The following NMNAT2 variants were observed in gnomAD, a reference collection of about 807,000 sequenced individuals.
NMNAT2 encodes nicotinamide nucleotide adenylyltransferase 2.
Under a neutral mutation model 41.6 loss-of-function variants are expected in NMNAT2, and 11 were observed. The observed-to-expected ratio is 0.26, with a 90% CI of 0.17 to 0.44. The LOEUF is 0.44. Among genes scored for constraint, NMNAT2 ranks in the 20% least tolerant of loss-of-function variants. The probability of loss-of-function intolerance (pLI) is 1.00; values close to 1 mark genes in which losing one functional copy is unlikely to be tolerated. For synonymous variants in NMNAT2, 148 were observed against 151.2 expected (o/e 0.98, Z 0.16); for missense variants, 288 against 407.7 (o/e 0.71, Z 2.53).
At chr1:183,389,788 GAAA>G (rs1557897552) in intron 1 of NMNAT2, among the ~76,000 whole-genome samples, 12 of 61,892 alleles carry the variant, frequency 1.9e-4, no homozygotes, top group Non-Finnish European at 2.4e-4. Flanking sequence ...AAGAAAGAAA[GAAA>G]GAAAGAAAGA....
In NMNAT2 at chr1:183,276,832, T is replaced by C. The variant is rs938164636; in HGVS notation, c.651+1721A>G. Reference sequence around the variant, plus strand: ...GTGAATTAGCCAGGAAAGCAAAAGCTAATTAAGCCACTTAATTAAGAACTG... The same window carrying C: ...GTGAATTAGCCAGGAAAGCAAAAGCCAATTAAGCCACTTAATTAAGAACTG... On this transcript the variant is annotated intron_variant, in intron 8 of 10. Transcript: ENST00000287713. 6.6e-5 allele frequency among the ~76,000 whole-genome samples: 10 copies of C among 152,380 alleles called. 1 individual carries two copies. The highest frequency in any genetic ancestry group is 2.6e-4 in the Admixed American group (4 of 15,300).
At chr1:183,405,250 C>T (rs1031142118) in intron 1 of NMNAT2, among the ~76,000 whole-genome samples, 3 of 151,762 alleles carry the variant, frequency 2.0e-5, no homozygotes, top group South Asian at 2.1e-4. Context: ...ATCTCACCTT[C>T]GAAACAATAG....
At chr1:183,362,409 T>C (rs952766801) in intron 1 of NMNAT2, among the ~76,000 whole-genome samples, 5 of 152,194 alleles carry the variant, frequency 3.3e-5, no homozygotes, top group Non-Finnish European at 7.3e-5. Flanking sequence ...CCCTTAGTAG[T>C]GATTTGCCAT....
At chr1:183,287,802 C>A (rs1278100102) in intron 4 of NMNAT2, among the ~76,000 whole-genome samples, 1 of 152,224 alleles carries the variant, frequency 6.6e-6, no homozygotes, top group Admixed American at 6.5e-5. Context: ...TGCCAGGGGA[C>A]CCCCAGGCCC....
intron 1 of NMNAT2, among the ~76,000 whole-genome samples, chr1:183,415,670 T>C (rs1357280496): frequency 6.6e-6 from 1 of 152,226 alleles, no homozygotes; most frequent in Non-Finnish European, 1.5e-5. Flanking sequence ...AGGGTAATAA[T>C]GTTTTTCTTA....
At chr1:183,410,573 C>A (rs1018750670) in intron 1 of NMNAT2, among the ~76,000 whole-genome samples, 12 of 151,972 alleles carry the variant, frequency 7.9e-5, no homozygotes, top group Non-Finnish European at 1.3e-4. Context: ...CAGATCTGAA[C>A]TGCTTGGCAC....
chr1:183,391,938 C>T (rs902158805), intron 1 of NMNAT2, among the ~76,000 whole-genome samples: 1 of 152,210 alleles, frequency 6.6e-6, no homozygotes, highest in African/African-American at 2.4e-5. Context: ...TCCCCATCTC[C>T]CCAATCCCCA....
chr1:183,373,897 C>T (rs977129727), intron 1 of NMNAT2, among the ~76,000 whole-genome samples: 2 of 152,200 alleles, frequency 1.3e-5, no homozygotes, highest in African/African-American at 4.8e-5. Flanking sequence ...GGATTACAGG[C>T]ATGAGCCACT....
chr1:183,344,172 C>T (rs964169992), intron 1 of NMNAT2, among the ~76,000 whole-genome samples: 2 of 152,146 alleles, frequency 1.3e-5, no homozygotes, highest in African/African-American at 4.8e-5. Context: ...TCATTAGTTA[C>T]CATCTATTGA....
chr1:183,304,589 G>C (rs1661950881), intron 1 of NMNAT2: 2 of 1,322,110 alleles, frequency 1.5e-6, no homozygotes, highest in South Asian at 2.4e-5. Flanking sequence ...GCTGGAGACA[G>C]AATCCTGTTT....
intron 1 of NMNAT2, among the ~76,000 whole-genome samples, chr1:183,348,214 AG>A (rs1281601219): frequency 6.6e-6 from 1 of 152,100 alleles, no homozygotes; most frequent in African/African-American, 2.4e-5. Context: ...CATCTTTTAG[AG>A]GTTTTTTTTT....
At chr1:183,407,746 T>G (rs1243101029) in intron 1 of NMNAT2, among the ~76,000 whole-genome samples, 1 of 152,184 alleles carries the variant, frequency 6.6e-6, no homozygotes, top group Non-Finnish European at 1.5e-5. Context: ...GCAGAAAAAC[T>G]AGATATGACT....
intron 1 of NMNAT2, among the ~76,000 whole-genome samples, chr1:183,373,652 CTG>C (rs1450239112): frequency 6.7e-6 from 1 of 148,968 alleles, no homozygotes; most frequent in African/African-American, 2.5e-5. Context: ...GAGTCTCACT[CTG>C]TTGCCCAGGC....
At chr1:183,328,763 T>C (rs1299539780) in intron 1 of NMNAT2, among the ~76,000 whole-genome samples, 1 of 152,250 alleles carries the variant, frequency 6.6e-6, no homozygotes, top group African/African-American at 2.4e-5. Context: ...TCTCCTAGCC[T>C]GACCTGTGGA....
rs1192098617 is a variant in NMNAT2, at chr1:183,251,969, G to A, written c.*672C>T. 1.3e-5 allele frequency: 2 copies of A among 155,478 alleles called. No homozygotes were observed. Among genetic ancestry groups the A allele is most frequent in the Non-Finnish European group, 2.8e-5 (2 of 70,288 alleles). 9.6% of individuals were successfully genotyped at this position (155,478 alleles called of 1,614,324 possible). A position where few individuals can be genotyped will look rare whatever the true frequency, so the allele number is the denominator to read the frequency against. On this transcript the variant is annotated 3_prime_UTR_variant, in exon 11 of 11. Transcript: ENST00000287713. ...TGTGCGTGTGTGTGGTGCTGAAGAA[G>A]TGGAGGTTGCTTGGCCTTCTCTACT... is the stretch of plus-strand genomic sequence containing the variant.
Position 183,418,314 on chromosome 1 carries a change from TG to T in NMNAT2, c.-48del. On this transcript the variant is annotated 5_prime_UTR_variant, in exon 1 of 11. Transcript: ENST00000287713. ...GTGGTCTAGGGGTTGCCTCTCTTTTTGTGTCTCGTTGTGTCTGCAGAGGGAG... is the reference window on the plus strand; with the variant it reads ...GTGGTCTAGGGGTTGCCTCTCTTTTTTGTCTCGTTGTGTCTGCAGAGGGAG... 1 of 1,538,700 alleles carries T rather than the reference TG, an allele frequency of 6.5e-7. No homozygotes were observed. The highest frequency in any genetic ancestry group is 9.0e-7 in the Non-Finnish European group (1 of 1,111,776).
intron 1 of NMNAT2, among the ~76,000 whole-genome samples, chr1:183,352,854 G>A (rs1663094425): frequency 6.6e-6 from 1 of 152,122 alleles, no homozygotes; most frequent in South Asian, 2.1e-4. Context: ...GAAGTACTTT[G>A]CAGCTCTGAG....
chr1:183,391,943 T>C (rs1648495670), intron 1 of NMNAT2, among the ~76,000 whole-genome samples: 1 of 152,102 alleles, frequency 6.6e-6, no homozygotes, highest in South Asian at 2.1e-4. Flanking sequence ...ATCTCCCCAA[T>C]CCCCAAACAT....
At chr1:183,314,113 C>T (rs894586090) in intron 1 of NMNAT2, among the ~76,000 whole-genome samples, 4 of 152,186 alleles carry the variant, frequency 2.6e-5, no homozygotes, top group African/African-American at 9.7e-5. Flanking sequence ...CTAGAGGTGC[C>T]TATTCACTCT....
Sources: gnomAD v4.1 joint callset for allele counts (sites outside exome capture counted in the v4.1 genomes callset) on GRCh38, gnomAD v4.1.1 for gene constraint, MANE v1.5 for transcripts, NCBI Gene and HGNC (gene_info 2026-07-23, HGNC 2026-07-21) for gene names.